Variants in MFN2 observed in about 807,000 individuals in gnomAD.
MFN2 encodes the protein mitofusin 2, also known as mitofusin-2.
In MFN2, 43 loss-of-function variants were observed where a neutral mutation model predicts 87.5. That is an observed-to-expected ratio of 0.49 (90% CI 0.38 to 0.63). MFN2 has a LOEUF of 0.63. Among genes scored for constraint, MFN2 ranks in the 30% least tolerant of loss-of-function variants. The probability of loss-of-function intolerance (pLI) is 0.00; values close to 1 mark genes in which losing one functional copy is unlikely to be tolerated. For synonymous variants in MFN2, 337 were observed against 359.9 expected, an observed-to-expected ratio of 0.94 and a Z score of 0.72; for missense variants, 743 against 972.8, an observed-to-expected ratio of 0.76 and a Z score of 3.14.
chr1:12,004,668 C>A lies in MFN2; in HGVS notation c.1392+55C>A. ...CAGGAGGCCCCCAAAAGTGATTCAA[C>A]CCCTGTTGGTCTGGGTCAGGGCCCC... On this transcript the variant is annotated intron_variant, in intron 13 of 18. Coordinates refer to ENST00000235329, the MANE Select transcript of MFN2 (RefSeq NM_014874.4). This position sits in a 1 kb window ranked among gnomAD's most constrained non-coding sequence, Gnocchi z 4.2. The A allele has an allele frequency of 1.3e-6, 2 of 1,563,568 alleles. No individual in the cohort carries two copies. Among genetic ancestry groups the A allele is most frequent in the Non-Finnish European group, 1.8e-6 (2 of 1,134,290 alleles).
At chr1:12,001,080 TG>T (rs1639148898) in intron 8 of MFN2, among the ~76,000 whole-genome samples, 1 of 152,148 alleles carries the variant, frequency 6.6e-6, no homozygotes, top group Non-Finnish European at 1.5e-5. Context: ...GGTGCTATCT[TG>T]GCTCACTGCA....
rs1222894986 is a variant in MFN2, at chr1:11,989,181, T to C, written c.13T>C (p.Phe5Leu). The change falls in exon 3 of 19, where the codon TTC becomes CTC. Residue 5 changes from phenylalanine to leucine, a missense_variant. By Grantham distance (22) the Phe-to-Leu change is conservative. This residue lies in a region of MFN2 where 31 missense variants were observed against 23.2 expected (regional missense o/e 1.33). Coordinates refer to ENST00000235329, the MANE Select transcript of MFN2 (RefSeq NM_014874.4). ...CTCTTGCAGCGCAATGTCCCTGCTC[T>C]TCTCTCGATGCAACTCTATCGTCAC... MSLL[F>L]SRCNSIVTVK... The C allele has an allele frequency of 1.2e-6, 2 of 1,614,032 alleles. No individual in the cohort carries two copies. The highest frequency in any genetic ancestry group is 1.7e-6 in the Non-Finnish European group (2 of 1,180,038).
chr1:12,010,810 C>T (rs868390098), intron 18 of MFN2, among the ~76,000 whole-genome samples: 3 of 152,100 alleles, frequency 2.0e-5, no homozygotes, highest in Non-Finnish European at 4.4e-5. Flanking sequence ...TCGGCCTGCC[C>T]AGCTCATGAT....
intron 2 of MFN2, among the ~76,000 whole-genome samples, chr1:11,985,656 C>T (rs547361589): frequency 1.2e-4 from 18 of 151,940 alleles, no homozygotes; most frequent in Admixed American, 1.0e-3. Flanking sequence ...TTCATAGAGA[C>T]GGGGTTTCAC....
intron 5 of MFN2, among the ~76,000 whole-genome samples, chr1:11,996,575 T>C (rs146206650): frequency 4.9e-4 from 75 of 152,256 alleles, no homozygotes; most frequent in Middle Eastern, 3.4e-3. Flanking sequence ...TGACCTCTCT[T>C]CACTAATTAA....
chr1:12,001,855 G>A lies in MFN2; in HGVS notation c.1038+19G>A. ...ATTTGAGGTGAGTCCTCTGATTCTG[G>A]TATCTGGCGATTCTGTGCCTCCCCA... On this transcript the variant is annotated intron_variant, in intron 10 of 18. Coordinates refer to ENST00000235329, the MANE Select transcript of MFN2 (RefSeq NM_014874.4). The A allele has an allele frequency of 6.2e-7, 1 of 1,613,966 alleles. No individual in the cohort carries two copies.
intron 3 of MFN2, among the ~76,000 whole-genome samples, chr1:11,990,155 G>A (rs1448702799): frequency 1.3e-5 from 2 of 152,138 alleles, no homozygotes; most frequent in Non-Finnish European, 2.9e-5. Context: ...GCTCAGGGGG[G>A]CCACCTTCTT....
At position 12,009,603 on chromosome 1, in the gene MFN2, G is replaced by C; in HGVS notation, c.2081G>C (p.Gly694Ala). 6.2e-7 allele frequency: 1 copy of C among 1,614,230 alleles called. No individual in the cohort carries two copies. Among genetic ancestry groups the C allele is most frequent in the Non-Finnish European group, 8.5e-7 (1 of 1,180,040 alleles). ...TCTCTCCTCCCCAGGGAACTGTCTG[G>C]GACCTTTGCTCATCTGTGTCAGCAA... ...CSHQVQQELS[G>A]TFAHLCQQVD... Residue 694 changes from glycine to alanine, a missense_variant, in exon 18 of 19, where the codon GGG (glycine) becomes GCG (alanine). Physicochemically the swap from Gly to Ala is moderately conservative, Grantham distance 60 (BLOSUM62 0). This residue lies in a region of MFN2 where 571 missense variants were observed against 670.7 expected (regional missense o/e 0.85). Transcript: ENST00000235329.
chr1:11,989,484 A>G, intron 3 of MFN2, 141 bp downstream of exon 3: 1 of 989,508 alleles, frequency 1.0e-6, no homozygotes, highest in Non-Finnish European at 1.5e-6. Flanking sequence ...TCTTGAAATC[A>G]TGTGGAATTG....
In MFN2 at chr1:11,999,045, C is replaced by T; in HGVS notation, c.766C>T (p.Leu256=). ...TCTCTCCCGGCCAAACATCTTCATC[C>T]TGAACAACCGCTGGGATGCATCTGC... ...ERLSRPNIFI[L]NNRWDASASE... Residue 256 remains leucine (L), a synonymous_variant, in exon 8 of 19, where the codon CTG becomes TTG. Transcript: ENST00000235329. The T allele has an allele frequency of 6.2e-7, 1 of 1,614,216 alleles. No individual in the cohort carries two copies. The highest frequency in any genetic ancestry group is 2.2e-5 in the East Asian group (1 of 44,882).
At position 12,013,145 on chromosome 1, in the gene MFN2, T is replaced by C. The variant is rs909434911; in HGVS notation, c.*1580T>C. ...TGGACAGGGGCCACTTCACAGCATG[T>C]CAGGGAAAATCACTGTCACACAATT... is the stretch of plus-strand genomic sequence containing the variant. On this transcript the variant is annotated 3_prime_UTR_variant, in exon 19 of 19. Transcript: ENST00000235329. 5.7e-6 allele frequency: 2 copies of C among 348,864 alleles called. No homozygotes were observed. Among genetic ancestry groups the C allele is most frequent in the African/African-American group, 4.3e-5 (2 of 46,262 alleles). 21.6% of individuals were successfully genotyped at this position (348,864 alleles called of 1,614,324 possible). A position where few individuals can be genotyped will look rare whatever the true frequency, so the allele number is the denominator to read the frequency against.
At chr1:12,005,658 C>T (rs1639376099) in intron 14 of MFN2, 53 bp from the exon 15 acceptor site, 2 of 1,562,058 alleles carry the variant, frequency 1.3e-6, no homozygotes, top group Non-Finnish European at 1.8e-6. Context: ...CTTGGTGCCG[C>T]TGTGGTGCAG....
At chr1:11,989,126 A>G (rs749377731) in intron 2 of MFN2, 39 bp from the exon 3 acceptor site, 3 of 1,608,348 alleles carry the variant, frequency 1.9e-6, no homozygotes, top group Admixed American at 1.7e-5. Flanking sequence ...GTCCCGAGGT[A>G]GGTGTTGCTG....
chr1:12,002,427 C>G (rs542889483), intron 11 of MFN2, among the ~76,000 whole-genome samples: 1 of 152,382 alleles, frequency 6.6e-6, no homozygotes, highest in Admixed American at 6.5e-5. Flanking sequence ...GGAGCAGTGA[C>G]TCACACCTGT....
chr1:12,007,037 A>T lies in MFN2; in HGVS notation c.1873-16A>T, dbSNP rs190961216. On this transcript the variant is annotated splice_polypyrimidine_tract_variant and intron_variant, in intron 16 of 18. Transcript: ENST00000235329. The stretch of plus-strand genomic sequence containing the variant: ...CACAGAGAGGCTGCACTCCAGGCTG[A>T]CCATGTGCTCTGCAGGTGTGGAAGG... The T allele has an allele frequency of 2.4e-5, 38 of 1,612,836 alleles. No homozygotes were observed. In the Admixed American group the frequency reaches 6.2e-4, roughly 26 times the overall value.
chr1:11,998,686 C>T (rs1391148868), intron 6 of MFN2, 84 bp from the exon 7 acceptor site: 2 of 1,283,682 alleles, frequency 1.6e-6, no homozygotes, highest in African/African-American at 2.9e-5. Flanking sequence ...ACCTGCCTGC[C>T]TCACAAGTCC....
intron 18 of MFN2, among the ~76,000 whole-genome samples, 164 bp downstream of exon 18, chr1:12,009,890 A>G (rs1639615694): frequency 1.3e-5 from 2 of 152,204 alleles, no homozygotes; most frequent in Admixed American, 1.3e-4. Context: ...ACGGTGGCTG[A>G]CGCCTATAAT....
At chr1:12,011,029 C>G (rs1345332980) in intron 18 of MFN2, among the ~76,000 whole-genome samples, 1 of 152,166 alleles carries the variant, frequency 6.6e-6, no homozygotes, top group Non-Finnish European at 1.5e-5. Flanking sequence ...GGATGTGCCC[C>G]CCCCGCACCC....
intron 3 of MFN2, among the ~76,000 whole-genome samples, chr1:11,991,949 A>AAAAAAAAAG (rs1638701637): frequency 6.9e-6 from 1 of 144,844 alleles, no homozygotes; most frequent in African/African-American, 2.7e-5. Context: ...AAAAAAAAAA[A>AAAAAAAAAG]AAAGAAGTGA....
Sources: gnomAD v4.1 joint callset for allele counts (sites outside exome capture counted in the v4.1 genomes callset) on GRCh38, gnomAD v4.1.1 for gene constraint, gnomAD v4.1.1 regional missense constraint, Gnocchi (gnomAD v3.1) non-coding constraint, MANE v1.5 for transcripts, NCBI Gene and HGNC (gene_info 2026-07-23, HGNC 2026-07-21) for gene names.